Variants in CRTAC1 observed in about 807,000 individuals in gnomAD.
The protein encoded by CRTAC1 is acidic secreted protein in cartilage.
In CRTAC1, 37 loss-of-function variants were observed where a neutral mutation model predicts 67.8. The observed-to-expected ratio is 0.55, with a 90% CI of 0.42 to 0.72. CRTAC1 has a LOEUF of 0.72. Among genes scored for constraint, CRTAC1 ranks in the 30% least tolerant of loss-of-function variants. The pLI, the probability that CRTAC1 is intolerant of heterozygous loss-of-function variation, is 0.00. For synonymous variants in CRTAC1, 348 were observed against 371.0 expected, an observed-to-expected ratio of 0.94 and a Z score of 0.71; for missense variants, 780 against 931.6, an observed-to-expected ratio of 0.84 and a Z score of 2.12.
chr10:97,969,862 C>T (rs180752713), intron 2 of CRTAC1, among the ~76,000 whole-genome samples: 9 of 152,260 alleles, frequency 5.9e-5, no homozygotes, highest in Non-Finnish European at 1.2e-4. Context: ...CCTTGGTGAC[C>T]TCACACAGTA....
In CRTAC1 at chr10:97,945,059, A is replaced by G. The variant is rs145211650; in HGVS notation, c.225-8693T>C. ...ATTGTTTTTAAGCCCCTAAGTTTTC[A>G]GAAAAGAAAGTAGATAATGATGACC... On this transcript the variant is annotated intron_variant, in intron 2 of 14. Coordinates refer to ENST00000370597, the MANE Select transcript of CRTAC1 (RefSeq NM_018058.7). Among the ~76,000 whole-genome samples, 627 of 152,374 alleles carry G rather than the reference A, an allele frequency of 4.1e-3. 3 individuals are homozygous for G. Among genetic ancestry groups the G allele is most frequent in the African/African-American group, 0.014 (568 of 41,586 alleles).
chr10:97,993,052 T>C (rs1842490386), intron 2 of CRTAC1, among the ~76,000 whole-genome samples: 1 of 152,216 alleles, frequency 6.6e-6, no homozygotes, highest in African/African-American at 2.4e-5. Flanking sequence ...ACAACTTTTA[T>C]TTGCCAATTC....
chr10:97,884,404 A>G (rs2050254080), intron 11 of CRTAC1, 53 bp from the exon 12 acceptor site: 1 of 1,465,742 alleles, frequency 6.8e-7, no homozygotes, highest in East Asian at 2.5e-5. Flanking sequence ...GGAGGCTCTC[A>G]GCGGAAGCAT....
intron 2 of CRTAC1, among the ~76,000 whole-genome samples, chr10:97,948,584 C>G (rs2136628835): frequency 6.6e-6 from 1 of 152,174 alleles, no homozygotes; most frequent in East Asian, 1.9e-4. Flanking sequence ...GCAGGGTGTG[C>G]AGTAGGTCAG....
intron 2 of CRTAC1, among the ~76,000 whole-genome samples, chr10:97,959,174 G>T (rs1346859132): frequency 6.6e-6 from 1 of 152,148 alleles, no homozygotes; most frequent in African/African-American, 2.4e-5. Flanking sequence ...GGGTCCCCAT[G>T]ACCACCCCTA....
At chr10:97,865,818 C>CG in intron 14 of CRTAC1, 104 bp from the exon 15 acceptor site, 14 of 400,070 alleles carry the variant, frequency 3.5e-5, no homozygotes, top group East Asian at 6.9e-5. Context: ...CCCTGCTGCC[C>CG]GGGGTGGGAG....
At chr10:97,964,528 C>A (rs2051583406) in intron 2 of CRTAC1, among the ~76,000 whole-genome samples, 1 of 152,200 alleles carries the variant, frequency 6.6e-6, no homozygotes, top group African/African-American at 2.4e-5. Context: ...CAGAAACAGC[C>A]TTTCCAGATG....
At chr10:97,933,743 A>G (rs1261365846) in intron 3 of CRTAC1, among the ~76,000 whole-genome samples, 5 of 152,230 alleles carry the variant, frequency 3.3e-5, no homozygotes, top group Admixed American at 6.5e-5. Context: ...TATTTGTCCA[A>G]TGGATGAATG....
chr10:97,951,063 A>G (rs1196320571), intron 2 of CRTAC1, among the ~76,000 whole-genome samples: 2 of 152,156 alleles, frequency 1.3e-5, no homozygotes, highest in Non-Finnish European at 2.9e-5. Context: ...TTTTTAATAT[A>G]AGTCACTGAG....
intron 2 of CRTAC1, among the ~76,000 whole-genome samples, chr10:97,976,491 C>T (rs1329536331): frequency 6.6e-6 from 1 of 152,188 alleles, no homozygotes. Flanking sequence ...TGCATCAAAC[C>T]TCATGGGGTT....
chr10:98,023,286 C>T (rs563873108), intron 1 of CRTAC1, among the ~76,000 whole-genome samples: 1 of 152,294 alleles, frequency 6.6e-6, no homozygotes, highest in Non-Finnish European at 1.5e-5. Context: ...TGGAGGTTTA[C>T]ATAGTCCTTG....
At chr10:97,949,216 G>A (rs2136629557) in intron 2 of CRTAC1, among the ~76,000 whole-genome samples, 1 of 152,296 alleles carries the variant, frequency 6.6e-6, no homozygotes, top group African/African-American at 2.4e-5. Context: ...ACTTGCCATG[G>A]TAAACAGGGC....
chr10:97,883,913 G>T (rs1452018275), intron 12 of CRTAC1, among the ~76,000 whole-genome samples: 2 of 152,332 alleles, frequency 1.3e-5, no homozygotes, highest in South Asian at 2.1e-4. Context: ...GTACAGCCTT[G>T]GTGGGCCTTG....
intron 11 of CRTAC1, among the ~76,000 whole-genome samples, chr10:97,889,915 T>C (rs1376256659): frequency 6.6e-5 from 10 of 152,254 alleles, no homozygotes; most frequent in East Asian, 3.9e-4. Context: ...ATTCATGTTG[T>C]TGACATTCCC....
chr10:97,915,407 C>G (rs943232073), intron 5 of CRTAC1, among the ~76,000 whole-genome samples: 12 of 152,224 alleles, frequency 7.9e-5, no homozygotes, highest in Admixed American at 7.8e-4. Flanking sequence ...TCATACAGCT[C>G]TCTAGCAGGC....
At chr10:97,914,803 C>T (rs1385849959) in intron 5 of CRTAC1, among the ~76,000 whole-genome samples, 2 of 152,192 alleles carry the variant, frequency 1.3e-5, no homozygotes, top group Non-Finnish European at 2.9e-5. Context: ...CCTCAAGCAG[C>T]TGGGGAAGTT....
rs983526005 is a variant in CRTAC1, at chr10:97,994,381, G to A, written c.224+16757C>T. 2.0e-5 allele frequency among the ~76,000 whole-genome samples: 3 copies of A among 152,098 alleles called. 1 individual carries two copies. Among genetic ancestry groups the A allele is most frequent in the Non-Finnish European group, 4.4e-5 (3 of 68,012 alleles). The stretch of plus-strand genomic sequence containing the variant: ...CAACACAGCACCAGATAGGGTGCTC[G>A]CTCTGGTCTACAAATGGGCTTCTCT... On this transcript the variant is annotated intron_variant, in intron 2 of 14. Coordinates refer to ENST00000370597, the MANE Select transcript of CRTAC1 (RefSeq NM_018058.7).
intron 5 of CRTAC1, among the ~76,000 whole-genome samples, chr10:97,912,563 C>A (rs567295419): frequency 2.4e-5 from 2 of 83,112 alleles, no homozygotes; most frequent in African/African-American, 2.9e-5. Context: ...GCAGACAATC[C>A]ATCTCTCAGA....
chr10:97,901,901 C>A (rs982297073), intron 7 of CRTAC1, among the ~76,000 whole-genome samples: 1 of 152,204 alleles, frequency 6.6e-6, no homozygotes, highest in African/African-American at 2.4e-5. Context: ...TGGATCACAC[C>A]TGTCCATCCC....
Sources: allele counts gnomAD v4.1 joint callset (sites outside exome capture counted in the v4.1 genomes callset), GRCh38; gene constraint gnomAD v4.1.1; transcripts MANE v1.5; gene names NCBI Gene and HGNC (gene_info 2026-07-23, HGNC 2026-07-21).